The following CHST15 variants were observed in gnomAD, a reference collection of about 807,000 sequenced individuals.
CHST15 encodes the protein B cell RAG associated protein (GALNAC4S-6ST).
Under a neutral mutation model 53.6 loss-of-function variants are expected in CHST15, and 30 were observed. That is an observed-to-expected ratio of 0.56 (90% confidence interval 0.42 to 0.76). The LOEUF (loss-of-function observed/expected upper bound fraction) is 0.76. CHST15 is among the 30% of genes least tolerant of loss of function. The probability of loss-of-function intolerance (pLI) is 0.00; values close to 1 mark genes in which losing one functional copy is unlikely to be tolerated. For synonymous variants in CHST15, 296 were observed against 289.8 expected, an observed-to-expected ratio of 1.02 and a Z score of -0.22; for missense variants, 627 against 740.5, an observed-to-expected ratio of 0.85 and a Z score of 1.78.
At chr10:124,084,172 C>T (rs974860761) in intron 1 of CHST15, among the ~76,000 whole-genome samples, 11 of 152,118 alleles carry the variant, frequency 7.2e-5, no homozygotes, top group African/African-American at 2.4e-4. Context: ...GGAGCTGACC[C>T]TCCCAAGGGC....
chr10:124,020,074 G>T, intron 6 of CHST15: 1 of 985,798 alleles, frequency 1.0e-6, no homozygotes, highest in Non-Finnish European at 1.2e-6. Context: ...CTCCCCGCCA[G>T]CTGCACAGGA....
chr10:124,012,325 A>T lies in CHST15; in HGVS notation c.1495+8T>A, dbSNP rs1260129292. On this transcript the variant is annotated splice_region_variant and intron_variant, in intron 7 of 7. Coordinates refer to ENST00000435907, the MANE Select transcript of CHST15 (RefSeq NM_001270764.2). ...TTTGGCCCGTCAGTCTAAGCACCAC[A>T]CTCATACCTAGGTTCAGAAACTGGA... is the stretch of plus-strand genomic sequence containing the variant. The T allele has an allele frequency of 6.2e-7, 1 of 1,612,596 alleles. No individual in the cohort carries two copies.
At position 124,009,922 on chromosome 10, in the gene CHST15, T is replaced by C. The variant is rs989384159; in HGVS notation, c.*227A>G. The C allele has an allele frequency of 7.3e-7, 1 of 1,370,488 alleles. No homozygotes were observed. The highest frequency in any genetic ancestry group is 1.5e-5 in the African/African-American group (1 of 67,984). 84.9% of individuals were successfully genotyped at this position (1,370,488 alleles called of 1,614,324 possible). Reference sequence around the variant, plus strand: ...GAGCAGAGCTGAATTCTTGAGAAACTGGGGTCTCCAATGGCCTCGGATAGA... The same window carrying C: ...GAGCAGAGCTGAATTCTTGAGAAACCGGGGTCTCCAATGGCCTCGGATAGA... On this transcript the variant is annotated 3_prime_UTR_variant, in exon 8 of 8. Coordinates refer to ENST00000435907, the MANE Select transcript of CHST15 (RefSeq NM_001270764.2).
chr10:124,091,294 T>A (rs1178035798), intron 1 of CHST15, among the ~76,000 whole-genome samples: 1 of 152,182 alleles, frequency 6.6e-6, no homozygotes, highest in East Asian at 1.9e-4. Flanking sequence ...GTAAGTGCCA[T>A]GTTCTGGAAG....
In CHST15 at chr10:124,008,374, CAAAT is replaced by C. The variant is rs1201411132; in HGVS notation, c.*1771_*1774del. 3.9e-6 allele frequency: 4 copies of C among 1,019,546 alleles called. No individual in the cohort carries two copies. In the East Asian group the frequency reaches 2.7e-4, roughly 68 times the overall value. 63.2% of individuals were successfully genotyped at this position (1,019,546 alleles called of 1,614,324 possible). Reference sequence around the variant, plus strand: ...ACACACACACGCGCGCACTGTACTGCAAATAAATATACACACACACTGAAGTGAT... The same window carrying C: ...ACACACACACGCGCGCACTGTACTGCAAATATACACACACACTGAAGTGAT... On this transcript the variant is annotated 3_prime_UTR_variant, in exon 8 of 8. Transcript: ENST00000435907.
At chr10:124,081,901 G>C (rs761146956) in intron 1 of CHST15, among the ~76,000 whole-genome samples, 1 of 152,112 alleles carries the variant, frequency 6.6e-6, no homozygotes, top group Non-Finnish European at 1.5e-5. Context: ...TGCTTATTAC[G>C]GGCTTGGCCA....
At chr10:124,023,222 T>C (rs1395796015) in intron 5 of CHST15, among the ~76,000 whole-genome samples, 2 of 152,132 alleles carry the variant, frequency 1.3e-5, no homozygotes, top group African/African-American at 2.4e-5. Flanking sequence ...CAGTGGCTCA[T>C]GCCTGTAATC....
At chr10:124,067,580 A>G (rs1205669665) in intron 1 of CHST15, among the ~76,000 whole-genome samples, 2 of 152,184 alleles carry the variant, frequency 1.3e-5, no homozygotes, top group Admixed American at 6.5e-5. Context: ...TGCGCCCTCA[A>G]CTACTTTCAG....
At chr10:124,018,000 C>T (rs937071328) in intron 6 of CHST15, among the ~76,000 whole-genome samples, 2 of 152,242 alleles carry the variant, frequency 1.3e-5, no homozygotes, top group African/African-American at 4.8e-5. Context: ...CCGGGAACCA[C>T]CAATGCCTTC....
intron 5 of CHST15, among the ~76,000 whole-genome samples, chr10:124,031,012 G>A (rs1391741351): frequency 6.6e-6 from 1 of 152,188 alleles, no homozygotes; most frequent in Non-Finnish European, 1.5e-5. Context: ...TTGCAAAACT[G>A]GGGAGCCATC....
intron 5 of CHST15, among the ~76,000 whole-genome samples, chr10:124,029,056 G>A (rs1947119435): frequency 6.6e-6 from 1 of 152,268 alleles, no homozygotes; most frequent in Non-Finnish European, 1.5e-5. Flanking sequence ...TGTAATGAGA[G>A]GGAGCCAGGG....
At chr10:124,048,904 T>C (rs1948093865) in intron 1 of CHST15, among the ~76,000 whole-genome samples, 1 of 152,218 alleles carries the variant, frequency 6.6e-6, no homozygotes, top group East Asian at 1.9e-4. Flanking sequence ...AGTAAAAACA[T>C]GAGCAGCCGA....
chr10:124,028,910 C>G (rs1254111810), intron 5 of CHST15, among the ~76,000 whole-genome samples: 1 of 150,718 alleles, frequency 6.6e-6, no homozygotes, highest in Non-Finnish European at 1.5e-5. Context: ...CACCCCCCAA[C>G]CCCCCAGCTG....
intron 7 of CHST15, 25 bp from the exon 8 acceptor site, chr10:124,010,364 G>C: frequency 6.5e-7 from 1 of 1,537,988 alleles, no homozygotes; most frequent in Non-Finnish European, 8.8e-7. Flanking sequence ...GACGAGTCCC[G>C]TAAGGCAGGA....
At chr10:124,010,367 A>G (rs1202873783) in intron 7 of CHST15, 28 bp from the exon 8 acceptor site, 1 of 1,527,022 alleles carries the variant, frequency 6.5e-7, no homozygotes, top group African/African-American at 1.4e-5. Context: ...GAGTCCCGTA[A>G]GGCAGGAGGC....
In CHST15 at chr10:124,049,682, C is replaced by A. The variant is rs1476067421; in HGVS notation, c.-512-2958G>T. Among the ~76,000 whole-genome samples the A allele has an allele frequency of 2.6e-5, 4 of 152,218 alleles. No homozygotes were observed. In the South Asian group the frequency reaches 8.3e-4, roughly 31 times the overall value. On this transcript the variant is annotated intron_variant, in intron 1 of 7. Transcript: ENST00000435907. Reference sequence around the variant, plus strand: ...ACACACCCTCCTCCACCATACCTCGCCCCATGCGTCTCATCTGCTGGCTGT... The same window carrying A: ...ACACACCCTCCTCCACCATACCTCGACCCATGCGTCTCATCTGCTGGCTGT...
At chr10:124,016,654 G>C (rs1367216424) in intron 6 of CHST15, among the ~76,000 whole-genome samples, 1 of 152,206 alleles carries the variant, frequency 6.6e-6, no homozygotes, top group Non-Finnish European at 1.5e-5. Flanking sequence ...AGCAGACCCA[G>C]GATTGAACCT....
chr10:124,035,382 G>A (rs1947448783), intron 5 of CHST15, among the ~76,000 whole-genome samples: 1 of 148,650 alleles, frequency 6.7e-6, no homozygotes, highest in Admixed American at 6.6e-5. Flanking sequence ...AGGGACCCTG[G>A]CTCCGCCCCC....
chr10:124,064,668 C>T (rs1329206845), intron 1 of CHST15, among the ~76,000 whole-genome samples: 2 of 150,934 alleles, frequency 1.3e-5, no homozygotes, highest in Non-Finnish European at 3.0e-5. Context: ...CACCCCCGAG[C>T]CCCCACTCCT....
Sources: allele counts gnomAD v4.1 joint callset (sites outside exome capture counted in the v4.1 genomes callset), GRCh38; gene constraint gnomAD v4.1.1; transcripts MANE v1.5; gene names NCBI Gene and HGNC (gene_info 2026-07-23, HGNC 2026-07-21).